Variants in BCR observed in about 807,000 individuals in gnomAD.
BCR encodes BCR activator of RhoGEF and GTPase.
A neutral mutation model predicts 138.6 loss-of-function variants in BCR; 58 were observed. The observed-to-expected ratio is 0.42, with a 90% CI of 0.34 to 0.52. The LOEUF (loss-of-function observed/expected upper bound fraction) is 0.52. Ranked by LOEUF, BCR falls within the 20% of genes least tolerant of loss-of-function variation. The pLI is 0.06. For synonymous variants in BCR, 786 were observed against 730.1 expected (o/e 1.08, Z -1.23); for missense variants, 1,599 against 1,727.2 (o/e 0.93, Z 1.32).
At chr22:23,185,727 T>G (rs964199578) in intron 1 of BCR, among the ~76,000 whole-genome samples, 4 of 149,642 alleles carry the variant, frequency 2.7e-5, no homozygotes, top group Admixed American at 1.3e-4. Context: ...CTCTGTTTTT[T>G]TTGTTGTTGT....
At chr22:23,293,889 C>T (rs2146310888) in intron 15 of BCR, among the ~76,000 whole-genome samples, 1 of 152,160 alleles carries the variant, frequency 6.6e-6, no homozygotes. Context: ...GCCAAGAAGC[C>T]ATGCGCGCAC....
intron 2 of BCR, among the ~76,000 whole-genome samples, chr22:23,258,556 C>A (rs1456335076): frequency 3.3e-5 from 5 of 152,212 alleles, no homozygotes; most frequent in African/African-American, 1.2e-4. Context: ...ACCATGAGGC[C>A]TGAGCTGACC....
Position 23,273,106 on chromosome 22 carries a change from T to C in BCR, c.1947T>C (p.Arg649=). The stretch of plus-strand genomic sequence containing the variant: ...CTCTGCTCTACAAGCCTGTGGACCG[T>C]GTGACGAGGAGCACGCTGGTCCTCC... ...LETLLYKPVD[R]VTRSTLVLHD... is the part of the protein sequence containing the mutation. Residue 649 remains arginine (R), a synonymous_variant, in exon 7 of 23, where the codon CGT becomes CGC. Coordinates refer to ENST00000305877, the MANE Select transcript of BCR (RefSeq NM_004327.4). The C allele has an allele frequency of 1.9e-6, 3 of 1,613,578 alleles. No individual in the cohort carries two copies. The highest frequency in any genetic ancestry group is 2.5e-6 in the Non-Finnish European group (3 of 1,179,704).
At chr22:23,240,822 A>G (rs1032049536) in intron 1 of BCR, among the ~76,000 whole-genome samples, 1 of 152,034 alleles carries the variant, frequency 6.6e-6, no homozygotes, top group Non-Finnish European at 1.5e-5. Context: ...ACTCCACTAA[A>G]CGCTAACTCC....
At chr22:23,246,037 TA>T (rs2073154039) in intron 1 of BCR, among the ~76,000 whole-genome samples, 1 of 152,200 alleles carries the variant, frequency 6.6e-6, no homozygotes, top group East Asian at 1.9e-4. Flanking sequence ...AATGGAGTCA[TA>T]CAACATGTGG....
At chr22:23,231,612 C>T (rs1324229001) in intron 1 of BCR, among the ~76,000 whole-genome samples, 1 of 152,224 alleles carries the variant, frequency 6.6e-6, no homozygotes, top group East Asian at 1.9e-4. Flanking sequence ...TGGACTTGGG[C>T]CATGCCTGAG....
At chr22:23,209,788 G>A (rs1186359745) in intron 1 of BCR, among the ~76,000 whole-genome samples, 1 of 151,806 alleles carries the variant, frequency 6.6e-6, no homozygotes, top group Non-Finnish European at 1.5e-5. Context: ...TGTGATCCGC[G>A]CCCAGCCTAT....
chr22:23,310,316 T>C lies in BCR; in HGVS notation c.3073-8T>C, dbSNP rs131704. The C allele has an allele frequency of 0.2, 229,516 of 1,159,906 alleles. 61,340 individuals carry two copies. Among genetic ancestry groups the C allele is most frequent in the East Asian group, 0.69 (22,610 of 32,902 alleles). 71.9% of individuals were successfully genotyped at this position (1,159,906 alleles called of 1,614,324 possible). ...ATTAGAGGACTGTGCCCCTTCTCCCTACTGTAGATCGAAGTAAAGCTCTCG... is the reference window on the plus strand; with the variant it reads ...ATTAGAGGACTGTGCCCCTTCTCCCCACTGTAGATCGAAGTAAAGCTCTCG... On this transcript the variant is annotated splice_region_variant and splice_polypyrimidine_tract_variant and intron_variant, in intron 17 of 22. Transcript: ENST00000305877.
intron 17 of BCR, 49 bp downstream of exon 17, chr22:23,309,532 G>A (rs2073985972): frequency 1.3e-6 from 2 of 1,529,838 alleles, no homozygotes; most frequent in Admixed American, 1.9e-5. Flanking sequence ...CAGAAGGATA[G>A]GGTGGCCTCT....
intron 1 of BCR, among the ~76,000 whole-genome samples, chr22:23,250,079 G>A (rs564588883): frequency 6.6e-6 from 1 of 152,260 alleles, no homozygotes; most frequent in African/African-American, 2.4e-5. Context: ...CTTGATTCTT[G>A]CACCAGGTTT....
chr22:23,264,446 C>T, intron 4 of BCR: 8 of 652,178 alleles, frequency 1.2e-5, no homozygotes, highest in Non-Finnish European at 1.9e-5. Context: ...TAGTTCCTCC[C>T]CACTGCCCCA....
rs147352826 is a variant in BCR at position 23,186,827 on chromosome 22, T to A, written c.1279+4588T>A. 4.1e-3 allele frequency among the ~76,000 whole-genome samples: 621 copies of A among 152,300 alleles called. 6 individuals are homozygous for A. The highest frequency in any genetic ancestry group is 0.014 in the Middle Eastern group (4 of 294). ...GTTCAAGCTTCAAGAGTCTCCTGCTTCAGGAGTTCAGGATTCTCCTGCTTC... is the reference window on the plus strand; with the variant it reads ...GTTCAAGCTTCAAGAGTCTCCTGCTACAGGAGTTCAGGATTCTCCTGCTTC... On this transcript the variant is annotated intron_variant, in intron 1 of 22. Coordinates refer to ENST00000305877, the MANE Select transcript of BCR (RefSeq NM_004327.4).
chr22:23,273,315 G>A (rs926048790), intron 7 of BCR, among the ~76,000 whole-genome samples, 182 bp downstream of exon 7: 1 of 152,090 alleles, frequency 6.6e-6, no homozygotes, highest in African/African-American at 2.4e-5. Context: ...GCTCTCTCTT[G>A]TCCCTCCACA....
At chr22:23,297,659 T>C (rs528376129) in intron 16 of BCR, among the ~76,000 whole-genome samples, 6 of 152,276 alleles carry the variant, frequency 3.9e-5, no homozygotes, top group Non-Finnish European at 7.3e-5. Flanking sequence ...ACAGCCTGGG[T>C]GCCTGGCTCC....
chr22:23,242,141 A>C (rs2073100307), intron 1 of BCR, among the ~76,000 whole-genome samples: 1 of 152,204 alleles, frequency 6.6e-6, no homozygotes, highest in South Asian at 2.1e-4. Context: ...AAGTCCAGAC[A>C]AGTGGCCGAA....
intron 1 of BCR, among the ~76,000 whole-genome samples, chr22:23,191,179 G>A (rs895450051): frequency 2.6e-5 from 4 of 152,110 alleles, no homozygotes; most frequent in African/African-American, 7.2e-5. Flanking sequence ...GATCCTTCCC[G>A]CCTCGGCCTC....
rs186977738 is a variant in BCR at position 23,211,058 on chromosome 22, C to T, written c.1279+28819C>T. Among the ~76,000 whole-genome samples, 317 of 152,298 alleles carry T rather than the reference C, an allele frequency of 2.1e-3. 2 individuals are homozygous for T. Among genetic ancestry groups the T allele is most frequent in the Non-Finnish European group, 3.6e-3 (242 of 68,026 alleles). ...AACCCTATACCTATTAGCACTCTCT[C>T]CCCATCCCCTTCTTCTGTTAGTCCT... On this transcript the variant is annotated intron_variant, in intron 1 of 22. Coordinates refer to ENST00000305877, the MANE Select transcript of BCR (RefSeq NM_004327.4).
intron 1 of BCR, among the ~76,000 whole-genome samples, chr22:23,240,177 A>C (rs2073073209): frequency 6.6e-6 from 1 of 152,136 alleles, no homozygotes. Context: ...TTAACTTGGT[A>C]AAGACCCTAT....
At position 23,182,254 on chromosome 22, in the gene BCR, C is replaced by T; in HGVS notation, c.1279+15C>T. On this transcript the variant is annotated intron_variant, in intron 1 of 22. Coordinates refer to ENST00000305877, the MANE Select transcript of BCR (RefSeq NM_004327.4). ...TGGAGACGCAGGTGAGTTCCTCACG[C>T]CACGTGCGTGGGCACACCTGCACGG... 2 of 1,539,786 alleles carry T rather than the reference C, an allele frequency of 1.3e-6. No homozygotes were observed. The highest frequency in any genetic ancestry group is 8.7e-7 in the Non-Finnish European group (1 of 1,144,554).
Sources: allele counts gnomAD v4.1 joint callset (sites outside exome capture counted in the v4.1 genomes callset), GRCh38; gene constraint gnomAD v4.1.1; transcripts MANE v1.5; gene names NCBI Gene and HGNC (gene_info 2026-07-23, HGNC 2026-07-21).